TMEM181: variants seen among roughly 807,000 people sequenced by gnomAD.
The protein encoded by TMEM181 is G protein-coupled receptor 178.
Under a neutral mutation model 71.9 loss-of-function variants are expected in TMEM181, and 39 were observed. The ratio of observed to expected loss-of-function variants is 0.54; its 90% confidence interval spans 0.42 to 0.71. TMEM181 has a LOEUF of 0.71. TMEM181 is among the 30% of genes least tolerant of loss of function. TMEM181 has a pLI of 0.00. For missense variants in TMEM181, 595 were observed against 583.0 expected (o/e 1.02, Z -0.21); for synonymous variants, 245 against 228.8 (o/e 1.07, Z -0.64).
Position 158,628,392 on chromosome 6 carries a change from CCT to C in TMEM181, c.1110-13_1110-12del, listed in dbSNP as rs1374993157. 2 of 1,613,742 alleles carry C rather than the reference CCT, an allele frequency of 1.2e-6. No homozygotes were observed. The highest frequency in any genetic ancestry group is 1.1e-5 in the South Asian group (1 of 91,028). On this transcript the variant is annotated splice_polypyrimidine_tract_variant and intron_variant, in intron 13 of 16. Transcript: ENST00000684151. ...TGCATGTTTACATATTGTCTCTGCTCCTCTGTCTTGTTCAGCATCGCCATCCT... is the reference window on the plus strand; with the variant it reads ...TGCATGTTTACATATTGTCTCTGCTCCTGTCTTGTTCAGCATCGCCATCCT...
intron 1 of TMEM181, among the ~76,000 whole-genome samples, chr6:158,552,685 AT>A (rs1416200476): frequency 6.6e-6 from 1 of 152,236 alleles, no homozygotes; most frequent in Non-Finnish European, 1.5e-5. Flanking sequence ...TCTCAGCCTT[AT>A]CAGGGAAGAA....
chr6:158,619,383 T>C (rs1193686058), intron 10 of TMEM181, among the ~76,000 whole-genome samples: 6 of 152,212 alleles, frequency 3.9e-5, no homozygotes, highest in Admixed American at 2.0e-4. Flanking sequence ...TTATTCTAGT[T>C]AGCCATTTGT....
chr6:158,626,082 C>T lies in TMEM181; in HGVS notation c.1109+328C>T, dbSNP rs570774786. Among the ~76,000 whole-genome samples, 62 of 152,340 alleles carry T rather than the reference C, an allele frequency of 4.1e-4. No homozygotes were observed. In the South Asian group the frequency reaches 0.013, roughly 31 times the overall value. The stretch of plus-strand genomic sequence containing the variant: ...TAAGGGCACTGGGGACCTCGGGATC[C>T]TTGGGGTGCCCCAGGGACAGGACTC... On this transcript the variant is annotated intron_variant, in intron 13 of 16. Coordinates refer to ENST00000684151, the MANE Select transcript of TMEM181 (RefSeq NM_001376852.1).
chr6:158,575,864 G>A (rs1783125166), intron 2 of TMEM181, among the ~76,000 whole-genome samples: 2 of 152,160 alleles, frequency 1.3e-5, no homozygotes, highest in Admixed American at 1.3e-4. Flanking sequence ...TTCTGGGCAT[G>A]GTCACTGAGG....
chr6:158,634,622 G>T lies in TMEM181; in HGVS notation c.*2734G>T, dbSNP rs1786840116. 6.6e-6 allele frequency: 1 copy of T among 152,188 alleles called. No homozygotes were observed. The highest frequency in any genetic ancestry group is 2.4e-5 in the African/African-American group (1 of 41,454). The allele number at this position is 152,188 out of a possible 1,614,324, so 9.4% of individuals were successfully genotyped here. On this transcript the variant is annotated 3_prime_UTR_variant, in exon 17 of 17. Transcript: ENST00000684151. ...ATTAAATCATTATAGCAGTGAAGTG[G>T]TGCCATTTTCTCTCTCTTAAGCCCC...
Position 158,605,361 on chromosome 6 carries a change from G to A in TMEM181, c.573+14G>A, listed in dbSNP as rs767441355. The stretch of plus-strand genomic sequence containing the variant: ...TTCATCGTCACTGTGAGTACCATTC[G>A]CCTGATGGACCGCAGCAGATCCCAG... On this transcript the variant is annotated intron_variant, in intron 7 of 16. Coordinates refer to ENST00000684151, the MANE Select transcript of TMEM181 (RefSeq NM_001376852.1). 1.9e-5 allele frequency: 31 copies of A among 1,612,650 alleles called. No homozygotes were observed. The highest frequency in any genetic ancestry group is 2.4e-5 in the Non-Finnish European group (28 of 1,179,198).
upstream of TMEM181, among the ~76,000 whole-genome samples, chr6:158,558,877 C>T (rs73012180): frequency 2.0e-5 from 3 of 152,080 alleles, no homozygotes; most frequent in African/African-American, 7.2e-5. Context: ...CACCCCTTCC[C>T]GCGCCCCACG....
chr6:158,545,785 G>A (rs1441609103), intron 1 of TMEM181, among the ~76,000 whole-genome samples: 1 of 151,904 alleles, frequency 6.6e-6, no homozygotes, highest in Non-Finnish European at 1.5e-5. Flanking sequence ...CGAACTTCTG[G>A]GCTCAAGTGA....
intron 1 of TMEM181, among the ~76,000 whole-genome samples, chr6:158,571,310 A>AT (rs1383676953): frequency 6.6e-6 from 1 of 151,298 alleles, no homozygotes; most frequent in East Asian, 2.0e-4. Context: ...TGTTAGCAGG[A>AT]TGGTCTCGAT....
rs1034431566 is a variant in TMEM181 at position 158,633,225 on chromosome 6, T to C, written c.*1337T>C. 2.0e-5 allele frequency: 3 copies of C among 152,210 alleles called. No individual in the cohort carries two copies. Among genetic ancestry groups the C allele is most frequent in the Non-Finnish European group, 2.9e-5 (2 of 68,032 alleles). The allele number at this position is 152,210 out of a possible 1,614,324, so 9.4% of individuals were successfully genotyped here. On this transcript the variant is annotated 3_prime_UTR_variant, in exon 17 of 17. Coordinates refer to ENST00000684151, the MANE Select transcript of TMEM181 (RefSeq NM_001376852.1). The stretch of plus-strand genomic sequence containing the variant: ...TATTTGGGTAGAAGGCAACTCGTGC[T>C]TCCGGAAGGGGTTCCCTGTCCTCCA...
chr6:158,581,067 C>A, intron 3 of TMEM181, 72 bp downstream of exon 3: 2 of 1,440,284 alleles, frequency 1.4e-6, no homozygotes, highest in South Asian at 2.4e-5. Context: ...GAAATGGTTC[C>A]GCTTAGAGTC....
At chr6:158,591,958 A>T (rs1220380334) in intron 6 of TMEM181, among the ~76,000 whole-genome samples, 1 of 152,184 alleles carries the variant, frequency 6.6e-6, no homozygotes, top group Non-Finnish European at 1.5e-5. Flanking sequence ...GGCAAGTGAT[A>T]CAGTGTTACT....
At chr6:158,628,578 A>G in intron 14 of TMEM181, 88 bp downstream of exon 14, 1 of 1,199,844 alleles carries the variant, frequency 8.3e-7, no homozygotes, top group Non-Finnish European at 1.2e-6. Context: ...TCTCAAGAGG[A>G]GACAGGTCAG....
At chr6:158,630,821 GC>G (rs544158426) in intron 15 of TMEM181, among the ~76,000 whole-genome samples, 1 of 151,870 alleles carries the variant, frequency 6.6e-6, no homozygotes, top group South Asian at 2.1e-4. Context: ...AACATAGGCA[GC>G]CCCCCGCACC....
chr6:158,548,970 G>A (rs1201401981), intron 1 of TMEM181, among the ~76,000 whole-genome samples: 1 of 152,220 alleles, frequency 6.6e-6, no homozygotes, highest in South Asian at 2.1e-4. Context: ...GCCTTGCTGT[G>A]CCAGAGAGGC....
intron 1 of TMEM181, among the ~76,000 whole-genome samples, chr6:158,562,099 G>A (rs1782212900): frequency 1.3e-5 from 2 of 152,152 alleles, no homozygotes; most frequent in African/African-American, 4.8e-5. Context: ...CTCTGCTTAC[G>A]GTGTGTAGGG....
intron 10 of TMEM181, among the ~76,000 whole-genome samples, chr6:158,619,705 C>G (rs1360647268): frequency 6.6e-6 from 1 of 151,836 alleles, no homozygotes; most frequent in Non-Finnish European, 1.5e-5. Context: ...GCCGTCTGTA[C>G]TAAAATACAA....
Position 158,632,947 on chromosome 6 carries a change from T to C in TMEM181, c.*1059T>C, listed in dbSNP as rs1279498787. On this transcript the variant is annotated 3_prime_UTR_variant, in exon 17 of 17. Transcript: ENST00000684151. ...GGCTGGGCATGCTGGGGCATGCCCA[T>C]AGTCCCAGCTACTCAGGAGGCTGAG... The C allele has an allele frequency of 6.6e-6, 1 of 152,166 alleles. No individual in the cohort carries two copies. The highest frequency in any genetic ancestry group is 1.5e-5 in the Non-Finnish European group (1 of 68,096). The allele number at this position is 152,166 out of a possible 1,614,324, so 9.4% of individuals were successfully genotyped here.
intron 1 of TMEM181, among the ~76,000 whole-genome samples, chr6:158,565,973 A>G (rs535776382): frequency 3.8e-4 from 58 of 152,294 alleles, no homozygotes; most frequent in African/African-American, 1.3e-3. Flanking sequence ...GAGGTTTTCT[A>G]TGCCTATGTG....
Sources: allele counts gnomAD v4.1 joint callset (sites outside exome capture counted in the v4.1 genomes callset), GRCh38; gene constraint gnomAD v4.1.1; transcripts MANE v1.5; gene names NCBI Gene and HGNC (gene_info 2026-07-23, HGNC 2026-07-21).